DNASE1L3: variants seen among roughly 807,000 people sequenced by gnomAD.
DNASE1L3 encodes the protein deoxyribonuclease gamma.
DNASE1L3 carries 27 observed loss-of-function variants against 30.9 expected under a neutral mutation model. The ratio of observed to expected loss-of-function variants is 0.87; its 90% CI spans 0.64 to 1.20. The LOEUF is 1.20. DNASE1L3 is among the 50% of genes most tolerant of loss of function. The probability of loss-of-function intolerance (pLI) is 0.00; values close to 1 mark genes in which losing one functional copy is unlikely to be tolerated. For synonymous variants in DNASE1L3, 135 were observed against 138.0 expected (o/e 0.98, Z 0.15); for missense variants, 364 against 378.2 (o/e 0.96, Z 0.31).
At chr3:58,194,423 G>A (rs904879455) in intron 6 of DNASE1L3, among the ~76,000 whole-genome samples, 2 of 147,006 alleles carry the variant, frequency 1.4e-5, no homozygotes, top group African/African-American at 5.0e-5. Context: ...GGGTTGAAGC[G>A]ATTCTCCTGC....
chr3:58,208,393 T>A, intron 1 of DNASE1L3, 87 bp from the exon 2 acceptor site: 2 of 1,326,714 alleles, frequency 1.5e-6, no homozygotes, highest in Non-Finnish European at 2.2e-6. Flanking sequence ...TTTTTAAGTA[T>A]TGCACTGAGT....
At chr3:58,209,123 G>A (rs370714572) in intron 1 of DNASE1L3, among the ~76,000 whole-genome samples, 16 of 152,274 alleles carry the variant, frequency 1.1e-4, no homozygotes, top group East Asian at 5.8e-4. Context: ...GTCAATGGGC[G>A]CTAGGGATAA....
At chr3:58,194,860 C>A (rs568775198) in intron 6 of DNASE1L3, among the ~76,000 whole-genome samples, 2 of 151,074 alleles carry the variant, frequency 1.3e-5, no homozygotes, top group East Asian at 2.0e-4. Flanking sequence ...GATCTCCTGA[C>A]CTCGTGATCC....
chr3:58,207,458 C>G (rs1339002580), intron 2 of DNASE1L3, among the ~76,000 whole-genome samples: 11 of 72,624 alleles, frequency 1.5e-4, no homozygotes, highest in East Asian at 1.1e-3. Flanking sequence ...CCCCCCCCAC[C>G]AGAAGTAACC....
intron 6 of DNASE1L3, among the ~76,000 whole-genome samples, chr3:58,195,639 A>AAAAAAAGG (rs1575495396): frequency 6.7e-6 from 1 of 149,214 alleles, no homozygotes; most frequent in African/African-American, 2.5e-5. Context: ...AAAAAAAAAA[A>AAAAAAAGG]GCGGGGCATG....
chr3:58,193,278 C>G (rs1559754356), intron 7 of DNASE1L3, 65 bp downstream of exon 7: 3 of 1,576,846 alleles, frequency 1.9e-6, no homozygotes, highest in South Asian at 2.2e-5. Context: ...GGAGTCTCAT[C>G]ATGTTGCCCA....
Position 58,192,622 on chromosome 3 carries a change from T to C in DNASE1L3, c.*65A>G, listed in dbSNP as rs772885009. On this transcript the variant is annotated 3_prime_UTR_variant, in exon 8 of 8. Coordinates refer to ENST00000394549, the MANE Select transcript of DNASE1L3 (RefSeq NM_004944.4). The surrounding 1 kb of genome is among the most constrained non-coding windows in gnomAD (Gnocchi z 4.8). ...CTTGTTTCCTAAGTACAGGGAGCAG[T>C]TCATATCTGTTAGAGACATTTTATT... The C allele has an allele frequency of 3.9e-4, 591 of 1,505,314 alleles. 1 individual carries two copies. Among genetic ancestry groups the C allele is most frequent in the Non-Finnish European group, 5.2e-4 (571 of 1,098,950 alleles). The allele number at this position is 1,505,314 out of a possible 1,614,324, so 93.2% of individuals were successfully genotyped here. A position where few individuals can be genotyped will look rare whatever the true frequency, so the allele number is the denominator to read the frequency against.
chr3:58,201,966 C>T (rs2097400925), intron 4 of DNASE1L3, among the ~76,000 whole-genome samples: 1 of 152,184 alleles, frequency 6.6e-6, no homozygotes, highest in African/African-American at 2.4e-5. Context: ...AAACATTTTA[C>T]TTATAACAAC....
rs567024623 is a variant in DNASE1L3 at position 58,208,743 on chromosome 3, A to C, written c.142-437T>G. On this transcript the variant is annotated intron_variant, in intron 1 of 7. Transcript: ENST00000394549. ...TAATTATAATGATAATAATTATAAA[A>C]GCTGACATTTACTGCAAACCTACTC... 5.9e-5 allele frequency among the ~76,000 whole-genome samples: 9 copies of C among 152,370 alleles called. No individual in the cohort carries two copies. The East Asian group carries it at 1.3e-3, about 23-fold the overall frequency.
chr3:58,210,228 GAAAA>G (rs2097406796), intron 1 of DNASE1L3, among the ~76,000 whole-genome samples: 1 of 124,460 alleles, frequency 8.0e-6, no homozygotes, highest in African/African-American at 3.9e-5. Flanking sequence ...AAGGAAGAAA[GAAAA>G]AGGAAGAAAG....
intron 4 of DNASE1L3, among the ~76,000 whole-genome samples, chr3:58,204,054 G>A (rs1559758118): frequency 6.6e-6 from 1 of 152,056 alleles, no homozygotes; most frequent in African/African-American, 2.4e-5. Flanking sequence ...TTCCTCACCC[G>A]CTGCGGCCTG....
chr3:58,194,874 G>A (rs555779103), intron 6 of DNASE1L3, among the ~76,000 whole-genome samples: 13 of 150,408 alleles, frequency 8.6e-5, no homozygotes, highest in East Asian at 4.0e-4. Context: ...GTGATCCACC[G>A]GCCGCAGCCT....
rs758767860 is a variant in DNASE1L3 at position 58,197,480 on chromosome 3, TCTCA to T, written c.704+337_704+340del. 7.9e-5 allele frequency among the ~76,000 whole-genome samples: 12 copies of T among 152,310 alleles called. No homozygotes were observed. The highest frequency in any genetic ancestry group is 1.8e-4 in the Non-Finnish European group (12 of 68,028). On this transcript the variant is annotated intron_variant, in intron 6 of 7. Transcript: ENST00000394549. The surrounding 1 kb of genome is among the most constrained non-coding windows in gnomAD (Gnocchi z 5.3). ...TTTATTTTTTATTTTTGAGACAAAGTCTCACTCTGTTACCCAGGCTGGAGTGCAG... is the reference window on the plus strand; with the variant it reads ...TTTATTTTTTATTTTTGAGACAAAGTCTCTGTTACCCAGGCTGGAGTGCAG...
intron 4 of DNASE1L3, among the ~76,000 whole-genome samples, chr3:58,202,643 C>T (rs1055453301): frequency 1.3e-5 from 2 of 151,784 alleles, no homozygotes; most frequent in African/African-American, 4.8e-5. Context: ...CACCTGAGGT[C>T]GGGAGTTCCA....
intron 3 of DNASE1L3, 117 bp downstream of exon 3, chr3:58,205,354 G>T: frequency 1.1e-6 from 1 of 916,852 alleles, no homozygotes; most frequent in Non-Finnish European, 1.8e-6. Flanking sequence ...CAATTATTTT[G>T]ATGAACACTG....
At chr3:58,205,390 G>A in intron 3 of DNASE1L3, 81 bp downstream of exon 3, 2 of 1,286,756 alleles carry the variant, frequency 1.6e-6, no homozygotes. Flanking sequence ...TCAAAATTTG[G>A]TTTTGAAGAA....
At chr3:58,201,133 G>T (rs758946164) in intron 4 of DNASE1L3, 24 bp from the exon 5 acceptor site, 1 of 1,581,600 alleles carries the variant, frequency 6.3e-7, no homozygotes, top group Non-Finnish European at 8.7e-7. Flanking sequence ...AAGAGGCGGG[G>T]GTCACACACT....
Position 58,197,745 on chromosome 3 carries a change from G to GC in DNASE1L3, c.704+75dup. 2 of 1,601,792 alleles carry GC rather than the reference G, an allele frequency of 1.2e-6. No homozygotes were observed. The highest frequency in any genetic ancestry group is 1.7e-6 in the Non-Finnish European group (2 of 1,172,336). On this transcript the variant is annotated intron_variant, in intron 6 of 7. Coordinates refer to ENST00000394549, the MANE Select transcript of DNASE1L3 (RefSeq NM_004944.4). The surrounding 1 kb of genome is among the most constrained non-coding windows in gnomAD (Gnocchi z 5.3). ...TAGGACTACTGGCGTGAGCCACAGT[G>GC]CCCAGCCACCTTGCGTCTTTCCTAG...
At chr3:58,202,649 T>C (rs2097401568) in intron 4 of DNASE1L3, among the ~76,000 whole-genome samples, 1 of 151,116 alleles carries the variant, frequency 6.6e-6, no homozygotes, top group African/African-American at 2.4e-5. Context: ...AGGTCGGGAG[T>C]TCCAGATCAG....
Sources: allele counts gnomAD v4.1 joint callset (sites outside exome capture counted in the v4.1 genomes callset), GRCh38; gene constraint gnomAD v4.1.1; non-coding constraint Gnocchi (gnomAD v3.1); transcripts MANE v1.5; gene names NCBI Gene and HGNC (gene_info 2026-07-23, HGNC 2026-07-21).